The following NTPCR variants were observed in gnomAD, a reference collection of about 807,000 sequenced individuals.
The protein encoded by NTPCR is nucleoside-triphosphatase, cancer-related.
In NTPCR, 15 loss-of-function variants were observed where a neutral mutation model predicts 19.5. The ratio of observed to expected loss-of-function variants is 0.77; its 90% CI spans 0.51 to 1.18. The LOEUF (loss-of-function observed/expected upper bound fraction) is 1.18, where lower values mean the gene tolerates loss of function less well. NTPCR is among the 50% of genes most tolerant of loss of function. NTPCR has a pLI of 0.00. For synonymous variants in NTPCR, 90 were observed against 95.8 expected, an observed-to-expected ratio of 0.94 and a Z score of 0.36; for missense variants, 206 against 240.4, an observed-to-expected ratio of 0.86 and a Z score of 0.95.
At position 232,950,676 on chromosome 1, in the gene NTPCR, T is replaced by TC; in HGVS notation, c.-31dup. 1 of 1,590,042 alleles carries TC rather than the reference T, an allele frequency of 6.3e-7. No homozygotes were observed. Among genetic ancestry groups the TC allele is most frequent in the Non-Finnish European group, 8.6e-7 (1 of 1,159,534 alleles). On this transcript the variant is annotated 5_prime_UTR_variant, in exon 1 of 5. Coordinates refer to ENST00000366628, the MANE Select transcript of NTPCR (RefSeq NM_032324.3). ...GAATTGCGACCCCAACCTGGACTGC[T>TC]CCCCTGACCGCAACCCCTACCCCCG...
chr1:232,952,598 C>A (rs1445765876), intron 1 of NTPCR, among the ~76,000 whole-genome samples: 1 of 152,082 alleles, frequency 6.6e-6, no homozygotes, highest in Non-Finnish European at 1.5e-5. Context: ...GCAACCTCCA[C>A]CTTCCAGGCT....
chr1:232,970,959 T>C (rs1668958966), intron 4 of NTPCR, among the ~76,000 whole-genome samples: 1 of 152,232 alleles, frequency 6.6e-6, no homozygotes, highest in African/African-American at 2.4e-5. Flanking sequence ...TCTGGCAAGT[T>C]CTCATGTGGT....
chr1:232,974,170 G>C (rs1669062773), intron 4 of NTPCR, among the ~76,000 whole-genome samples: 1 of 152,212 alleles, frequency 6.6e-6, no homozygotes, highest in Non-Finnish European at 1.5e-5. Context: ...CTTACCTATA[G>C]GGTAAAAACA....
intron 1 of NTPCR, among the ~76,000 whole-genome samples, chr1:232,952,243 T>C (rs1348652785): frequency 6.6e-6 from 1 of 152,200 alleles, no homozygotes; most frequent in Non-Finnish European, 1.5e-5. Flanking sequence ...AGGATCTTGC[T>C]TTGTCACCCA....
At position 232,956,379 on chromosome 1, in the gene NTPCR, G is replaced by A. The variant is rs773444899; in HGVS notation, c.230G>A (p.Arg77Gln). The part of the protein sequence containing the change: ...LEPPPGKREC[R>Q]VGQYVVDLTS... ...CCTCCACCTGGAAAACGTGAATGCC[G>A]AGTTGGGCAGTATGTGGTCGACCTG... Residue 77 changes from arginine to glutamine, a missense_variant, in exon 3 of 5, where the codon CGA (arginine) becomes CAA (glutamine). Arg to Gln is a conservative substitution (Grantham distance 43). Coordinates refer to ENST00000366628, the MANE Select transcript of NTPCR (RefSeq NM_032324.3). 6.2e-6 allele frequency: 10 copies of A among 1,613,928 alleles called. No homozygotes were observed. The highest frequency in any genetic ancestry group is 8.5e-6 in the Non-Finnish European group (10 of 1,179,838).
chr1:232,955,784 G>A, intron 2 of NTPCR, 65 bp downstream of exon 2: 1 of 1,516,494 alleles, frequency 6.6e-7, no homozygotes, highest in Non-Finnish European at 9.1e-7. Context: ...TGCTTTGGGA[G>A]CTTTTCAACA....
chr1:232,956,346 G>C lies in NTPCR; in HGVS notation c.198-1G>C, dbSNP rs781255619. On this transcript the variant is annotated splice_acceptor_variant, in intron 2 of 4. Transcript: ENST00000366628. LOFTEE classifies it high-confidence loss of function. The stretch of plus-strand genomic sequence containing the variant: ...AAAGAACATAATGTCTTTTCCTTCA[G>C]GTTAGAGCCTCCACCTGGAAAACGT... The C allele has an allele frequency of 2.5e-6, 4 of 1,612,030 alleles. No individual in the cohort carries two copies. The South Asian group carries it at 4.4e-5, about 18-fold the overall frequency.
At chr1:232,965,935 G>A (rs1286649286) in intron 3 of NTPCR, 1 of 152,352 alleles carries the variant, frequency 6.6e-6, no homozygotes, top group Admixed American at 6.5e-5. Context: ...ATGTCCGGGG[G>A]AGCAGCTTCT....
intron 4 of NTPCR, among the ~76,000 whole-genome samples, chr1:232,973,880 C>T (rs1669055543): frequency 6.6e-6 from 1 of 152,108 alleles, no homozygotes; most frequent in Non-Finnish European, 1.5e-5. Context: ...AAAGAGCAGA[C>T]TTAAAAGAAA....
At chr1:232,967,143 ATGTTTGT>A (rs1356643186) in intron 3 of NTPCR, 3 of 152,166 alleles carry the variant, frequency 2.0e-5, no homozygotes, top group African/African-American at 7.2e-5. Flanking sequence ...AAGGGGGTGA[ATGTTTGT>A]TTACTTACTT....
At chr1:232,969,667 G>A (rs1668918490) in intron 3 of NTPCR, 1 of 432,310 alleles carries the variant, frequency 2.3e-6, no homozygotes, top group South Asian at 3.2e-5. Flanking sequence ...CATCCCACTG[G>A]TGACAGGCAT....
intron 1 of NTPCR, among the ~76,000 whole-genome samples, chr1:232,953,522 T>C (rs1668430092): frequency 6.6e-6 from 1 of 152,208 alleles, no homozygotes; most frequent in South Asian, 2.1e-4. Context: ...TGAACAGGAA[T>C]AGTTACCGTT....
chr1:232,961,109 G>A (rs1668657916), intron 3 of NTPCR, among the ~76,000 whole-genome samples: 1 of 152,148 alleles, frequency 6.6e-6, no homozygotes, highest in African/African-American at 2.4e-5. Context: ...TTCAAAGCTG[G>A]GAGATTTTAG....
chr1:232,961,622 T>C (rs1668671040), intron 3 of NTPCR, among the ~76,000 whole-genome samples: 1 of 152,244 alleles, frequency 6.6e-6, no homozygotes, highest in Non-Finnish European at 1.5e-5. Context: ...AGTTTAGCAC[T>C]TCACTTTGGT....
At position 232,978,438 on chromosome 1, in the gene NTPCR, G is replaced by A. The variant is rs1227660573; in HGVS notation, c.*207G>A. On this transcript the variant is annotated 3_prime_UTR_variant, in exon 5 of 5. Transcript: ENST00000366628. ...GTCTGTACAAGATTAACTATCCATT[G>A]TGGCTTATCTATGCTTAAAGATTTC... is the stretch of plus-strand genomic sequence containing the variant. The A allele has an allele frequency of 2.0e-6, 1 of 498,468 alleles. No individual in the cohort carries two copies. 30.9% of individuals were successfully genotyped at this position (498,468 alleles called of 1,614,324 possible).
intron 1 of NTPCR, among the ~76,000 whole-genome samples, chr1:232,954,789 G>A (rs965775742): frequency 1.3e-5 from 2 of 152,158 alleles, no homozygotes; most frequent in African/African-American, 4.8e-5. Flanking sequence ...AGCACCTGTT[G>A]GTGCTTACAA....
In NTPCR at chr1:232,978,323, T is replaced by C; in HGVS notation, c.*92T>C. ...CTGTCGAGGCTGTATGCCTATGGGGTTATGGAACCTTGTGGGCTTTTCTAG... is the reference window on the plus strand; with the variant it reads ...CTGTCGAGGCTGTATGCCTATGGGGCTATGGAACCTTGTGGGCTTTTCTAG... On this transcript the variant is annotated 3_prime_UTR_variant, in exon 5 of 5. Transcript: ENST00000366628. 9.9e-7 allele frequency: 1 copy of C among 1,010,862 alleles called. No homozygotes were observed. Among genetic ancestry groups the C allele is most frequent in the Admixed American group, 2.3e-5 (1 of 43,088 alleles). The allele number at this position is 1,010,862 out of a possible 1,614,324, so 62.6% of individuals were successfully genotyped here.
intron 1 of NTPCR, among the ~76,000 whole-genome samples, 157 bp from the exon 2 acceptor site, chr1:232,955,400 A>G (rs1319218702): frequency 6.6e-6 from 1 of 152,206 alleles, no homozygotes; most frequent in African/African-American, 2.4e-5. Context: ...GGAGCAATCA[A>G]AATTAAATTG....
rs2102765770 is a variant in NTPCR, at chr1:232,981,328, C to T, written c.*3097C>T. On this transcript the variant is annotated 3_prime_UTR_variant, in exon 5 of 5. Transcript: ENST00000366628. ...TCCAGTTATCAAGGGGGTGGGAACG[C>T]TGGTGGGCTGGAAAATGTGGAACAG... 6.6e-6 allele frequency: 1 copy of T among 152,262 alleles called. No individual in the cohort carries two copies. The highest frequency in any genetic ancestry group is 2.1e-4 in the South Asian group (1 of 4,820). 9.4% of individuals were successfully genotyped at this position (152,262 alleles called of 1,614,324 possible). A position where few individuals can be genotyped will look rare whatever the true frequency, so the allele number is the denominator to read the frequency against.
Sources: gnomAD v4.1 joint callset for allele counts (sites outside exome capture counted in the v4.1 genomes callset) on GRCh38, gnomAD v4.1.1 for gene constraint, MANE v1.5 for transcripts, NCBI Gene and HGNC (gene_info 2026-07-23, HGNC 2026-07-21) for gene names.